The following SDK1 variants were observed in gnomAD, a reference collection of about 807,000 sequenced individuals.
The protein encoded by SDK1 is protein sidekick-1.
SDK1 carries 157 observed loss-of-function variants against 245.5 expected under a neutral mutation model. That is an observed-to-expected ratio of 0.64 (90% CI 0.56 to 0.73). SDK1 has a LOEUF of 0.73. Ranked by LOEUF, SDK1 falls within the 30% of genes least tolerant of loss-of-function variation. The pLI, the probability that SDK1 is intolerant of heterozygous loss-of-function variation, is 0.00. For synonymous variants in SDK1, 1,647 were observed against 1,278.5 expected (o/e 1.29, Z -6.15); for missense variants, 3,583 against 3,002.3 (o/e 1.19, Z -4.52).
intron 14 of SDK1, among the ~76,000 whole-genome samples, chr7:3,998,314 G>C (rs1275385557): frequency 6.6e-6 from 1 of 152,254 alleles, no homozygotes; most frequent in Non-Finnish European, 1.5e-5. Context: ...GGCAGCGGCA[G>C]GCTGTCTAGA....
chr7:3,763,640 T>C (rs1205033841), intron 4 of SDK1, among the ~76,000 whole-genome samples: 3 of 152,220 alleles, frequency 2.0e-5, no homozygotes, highest in African/African-American at 7.2e-5. Flanking sequence ...ACATAAAATA[T>C]TGAACATAAA....
intron 4 of SDK1, among the ~76,000 whole-genome samples, chr7:3,759,991 T>C (rs965764172): frequency 5.3e-5 from 8 of 152,182 alleles, no homozygotes; most frequent in African/African-American, 1.9e-4. Context: ...GGGGTATAAA[T>C]TTTGTAGAGA....
chr7:4,179,233 G>C (rs949825478), intron 35 of SDK1: 1 of 152,302 alleles, frequency 6.6e-6, no homozygotes, highest in Non-Finnish European at 1.5e-5. Flanking sequence ...TCGCTGGCTG[G>C]TGACTTTAAA....
chr7:3,640,831 C>T (rs1782625652), intron 3 of SDK1, among the ~76,000 whole-genome samples: 1 of 151,866 alleles, frequency 6.6e-6, no homozygotes, highest in African/African-American at 2.4e-5. Context: ...TTACAGGCAC[C>T]CACCACCACA....
Position 3,671,463 on chromosome 7 carries a change from C to G in SDK1, c.713+29358C>G, listed in dbSNP as rs1783698435. 3.3e-5 allele frequency among the ~76,000 whole-genome samples: 5 copies of G among 152,282 alleles called. No individual in the cohort carries two copies. The South Asian group carries it at 1.0e-3, about 32-fold the overall frequency. On this transcript the variant is annotated intron_variant, in intron 4 of 44. Transcript: ENST00000404826. ...GTTGCTCATTGAATGAAGCTCTGGT[C>G]ATTACCCTTTTTGTTATTATGATTC...
rs1395863089 is a variant in SDK1 at position 3,723,898 on chromosome 7, ATATACACGTACATATATATATACACG to A, written c.713+81798_713+81823del. Among the ~76,000 whole-genome samples, 104 of 132,198 alleles carry A rather than the reference ATATACACGTACATATATATATACACG, an allele frequency of 7.9e-4. 1 individual carries two copies. The highest frequency in any genetic ancestry group is 2.4e-3 in the East Asian group (12 of 4,928). The allele number at this position is 132,198 out of a possible 152,430, so 86.7% of individuals were successfully genotyped here. ...CACGTACATATATATATACACGTGT[ATATACACGTACATATATATATACACG>A]TATATATATATATATATATAGAGAG... On this transcript the variant is annotated intron_variant, in intron 4 of 44. Coordinates refer to ENST00000404826, the MANE Select transcript of SDK1 (RefSeq NM_152744.4).
chr7:3,902,722 G>A (rs1781831505), intron 5 of SDK1, among the ~76,000 whole-genome samples: 1 of 152,174 alleles, frequency 6.6e-6, no homozygotes, highest in South Asian at 2.1e-4. Flanking sequence ...CGCCTTCCCT[G>A]TCCATGCCTT....
intron 22 of SDK1, among the ~76,000 whole-genome samples, chr7:4,095,361 G>T (rs1156531525): frequency 6.6e-6 from 1 of 151,956 alleles, no homozygotes; most frequent in East Asian, 1.9e-4. Flanking sequence ...CACACCTGAG[G>T]TCTATGTGTA....
intron 5 of SDK1, among the ~76,000 whole-genome samples, chr7:3,891,725 C>G (rs781767929): frequency 6.6e-6 from 1 of 152,178 alleles, no homozygotes; most frequent in Non-Finnish European, 1.5e-5. Flanking sequence ...GATAATCCAA[C>G]TAAAGGTTTC....
At chr7:3,530,911 A>G (rs565781548) in intron 1 of SDK1, among the ~76,000 whole-genome samples, 72 of 152,348 alleles carry the variant, frequency 4.7e-4, no homozygotes, top group Middle Eastern at 6.8e-3. Flanking sequence ...AAGTCTAAAT[A>G]TCATTAAAAT....
In SDK1 at chr7:3,723,968, AG is replaced by A. The variant is rs1778928001; in HGVS notation, c.713+81864del. ...TAGAGAGAGAGAGAGAGAGAGAGAG[AG>A]AGAGAGAGAAAGAGAGAGAGAGTCT... On this transcript the variant is annotated intron_variant, in intron 4 of 44. Transcript: ENST00000404826. Among the ~76,000 whole-genome samples the A allele has an allele frequency of 3.3e-5, 5 of 149,792 alleles. 1 individual carries two copies. Among genetic ancestry groups the A allele is most frequent in the African/African-American group, 1.2e-4 (5 of 40,972 alleles).
intron 4 of SDK1, among the ~76,000 whole-genome samples, chr7:3,644,243 T>TTATATATATATATATA (rs66881824): frequency 2.1e-5 from 3 of 145,290 alleles, no homozygotes; most frequent in South Asian, 2.2e-4. Flanking sequence ...GAACAAAAAT[T>TTATATATATATATATA]TATATATATA....
chr7:4,255,416 C>T (rs141978151), intron 44 of SDK1, among the ~76,000 whole-genome samples: 327 of 152,306 alleles, frequency 2.1e-3, no homozygotes, highest in African/African-American at 7.4e-3. Context: ...GTGACACACC[C>T]GCTACACAAG....
intron 1 of SDK1, among the ~76,000 whole-genome samples, chr7:3,402,331 A>G (rs920448816): frequency 1.3e-5 from 2 of 152,200 alleles, no homozygotes; most frequent in Non-Finnish European, 1.5e-5. Flanking sequence ...GAGGTACTTC[A>G]GTAGTTTTTA....
chr7:3,662,373 G>T (rs189513004), intron 4 of SDK1, among the ~76,000 whole-genome samples: 128 of 152,244 alleles, frequency 8.4e-4, no homozygotes, highest in African/African-American at 3.0e-3. Flanking sequence ...GCTCAGCACT[G>T]GGAGCCAGGG....
rs1428506309 is a variant in SDK1, at chr7:4,194,380, G to GTGTATACA, written c.5099-11489_5099-11482dup. ...TATGCACGTATGTGTATACATGTAT[G>GTGTATACA]TGTATACATGTATACATATATGTAT... On this transcript the variant is annotated intron_variant, in intron 35 of 44. Coordinates refer to ENST00000404826, the MANE Select transcript of SDK1 (RefSeq NM_152744.4). Among the ~76,000 whole-genome samples the GTGTATACA allele has an allele frequency of 1.8e-5, 2 of 108,934 alleles. 1 individual carries two copies. Among genetic ancestry groups the GTGTATACA allele is most frequent in the Admixed American group, 1.6e-4 (2 of 12,166 alleles). The allele number at this position is 108,934 out of a possible 152,430, so 71.5% of individuals were successfully genotyped here. A position where few individuals can be genotyped will look rare whatever the true frequency, so the allele number is the denominator to read the frequency against.
At chr7:4,089,136 G>C (rs1198312565) in intron 22 of SDK1, among the ~76,000 whole-genome samples, 1 of 150,922 alleles carries the variant, frequency 6.6e-6, no homozygotes, top group Non-Finnish European at 1.5e-5. Context: ...CTCAGGCGGA[G>C]GTGAGACCCT....
intron 4 of SDK1, among the ~76,000 whole-genome samples, chr7:3,797,588 C>T (rs1324360960): frequency 6.6e-6 from 1 of 151,880 alleles, no homozygotes; most frequent in African/African-American, 2.4e-5. Flanking sequence ...ATCATGGAAC[C>T]CCATTTACAT....
In SDK1 at chr7:4,268,203, T is replaced by G. The variant is rs898952378; in HGVS notation, c.*2819T>G. 6 of 987,338 alleles carry G rather than the reference T, an allele frequency of 6.1e-6. No individual in the cohort carries two copies. The African/African-American group carries it at 8.7e-5, about 14-fold the overall frequency. 61.2% of individuals were successfully genotyped at this position (987,338 alleles called of 1,614,324 possible). On this transcript the variant is annotated 3_prime_UTR_variant, in exon 45 of 45. Transcript: ENST00000404826. Reference sequence around the variant, plus strand: ...CACCCCCAACGTGGCTCATTTCAGATTGCTTCGGCCCCACCCTGCAAGGAT... The same window carrying G: ...CACCCCCAACGTGGCTCATTTCAGAGTGCTTCGGCCCCACCCTGCAAGGAT...
Sources: gnomAD v4.1 joint callset for allele counts (sites outside exome capture counted in the v4.1 genomes callset) on GRCh38, gnomAD v4.1.1 for gene constraint, MANE v1.5 for transcripts, NCBI Gene and HGNC (gene_info 2026-07-23, HGNC 2026-07-21) for gene names.